Variants in TSPAN5 observed in about 807,000 individuals in gnomAD.
TSPAN5 encodes the protein tetraspanin-5.
In TSPAN5, 10 loss-of-function variants were observed where a neutral mutation model predicts 37.1. That is an observed-to-expected ratio of 0.27 (90% CI 0.17 to 0.46). TSPAN5 has a LOEUF of 0.46. TSPAN5 is among the 20% of genes least tolerant of loss of function. The pLI is 1.00. For synonymous variants in TSPAN5, 110 were observed against 118.9 expected, an observed-to-expected ratio of 0.93 and a Z score of 0.48; for missense variants, 195 against 326.6, an observed-to-expected ratio of 0.60 and a Z score of 3.11.
rs56113765 is a variant in TSPAN5 at position 98,505,116 on chromosome 4, T to C, written c.132+2562A>G. 5.3e-3 allele frequency among the ~76,000 whole-genome samples: 799 copies of C among 152,142 alleles called. 12 individuals carry two copies. Among genetic ancestry groups the C allele is most frequent in the Non-Finnish European group, 4.1e-3 (278 of 68,002 alleles). On this transcript the variant is annotated intron_variant, in intron 2 of 7. Coordinates refer to ENST00000305798, the MANE Select transcript of TSPAN5 (RefSeq NM_005723.4). The stretch of plus-strand genomic sequence containing the variant: ...AGCTTCACCTCCAAATATCATTACA[T>C]TGGGGATGAGGGCCTCAGCATATGA...
chr4:98,609,207 C>T (rs1421414668), intron 1 of TSPAN5, among the ~76,000 whole-genome samples: 1 of 152,274 alleles, frequency 6.6e-6, no homozygotes, highest in South Asian at 2.1e-4. Flanking sequence ...AACTAAGAAA[C>T]CTTAAAATAT....
intron 1 of TSPAN5, among the ~76,000 whole-genome samples, chr4:98,642,519 T>C (rs557668220): frequency 3.9e-5 from 6 of 152,324 alleles, no homozygotes; most frequent in Non-Finnish European, 8.8e-5. Flanking sequence ...ATTTATAGTA[T>C]ACTACAGTAA....
chr4:98,634,331 T>A (rs1756810306), intron 1 of TSPAN5, among the ~76,000 whole-genome samples: 1 of 152,168 alleles, frequency 6.6e-6, no homozygotes, highest in African/African-American at 2.4e-5. Flanking sequence ...TGCCTTGCCC[T>A]ACCTAAGCCA....
At chr4:98,534,115 C>G (rs911562650) in intron 1 of TSPAN5, among the ~76,000 whole-genome samples, 6 of 151,860 alleles carry the variant, frequency 4.0e-5, no homozygotes, top group African/African-American at 1.5e-4. Flanking sequence ...GTTAGGATGT[C>G]AATTTTAGAT....
chr4:98,542,161 T>C (rs1754373457), intron 1 of TSPAN5, among the ~76,000 whole-genome samples: 1 of 152,090 alleles, frequency 6.6e-6, no homozygotes, highest in Non-Finnish European at 1.5e-5. Context: ...AATGAGTCAA[T>C]GTATACAAAG....
rs1433826385 is a variant in TSPAN5, at chr4:98,482,089, C to T, written c.366G>A (p.Gln122=). ...AFVFKDWIKD[Q]LYFFINNNIR... ...TGTTGTTGTTTATAAAGAAATACAG[C>T]TGGTCTTTGATCCAGTCTTTGAAAA... The change falls in exon 4 of 8, where the codon CAG becomes CAA. Residue 122 remains glutamine, a synonymous_variant. Transcript: ENST00000305798. The T allele has an allele frequency of 1.2e-6, 2 of 1,614,156 alleles. No individual in the cohort carries two copies. The highest frequency in any genetic ancestry group is 4.5e-5 in the East Asian group (2 of 44,878).
intron 2 of TSPAN5, chr4:98,496,801 T>C (rs949394262): frequency 1.3e-5 from 2 of 152,198 alleles, no homozygotes; most frequent in Non-Finnish European, 2.9e-5. Flanking sequence ...TTCATTTACA[T>C]TCAGAAGACG....
At chr4:98,569,819 G>T (rs1224455039) in intron 1 of TSPAN5, among the ~76,000 whole-genome samples, 1 of 152,188 alleles carries the variant, frequency 6.6e-6, no homozygotes, top group East Asian at 1.9e-4. Context: ...TTGGGACCAT[G>T]ATAGGACCAT....
At chr4:98,645,120 C>G (rs1757035150) in intron 1 of TSPAN5, among the ~76,000 whole-genome samples, 1 of 152,134 alleles carries the variant, frequency 6.6e-6, no homozygotes. Context: ...CACTGGTTTT[C>G]AACTATCTTT....
chr4:98,605,286 T>C (rs1251037263), intron 1 of TSPAN5, among the ~76,000 whole-genome samples: 3 of 152,142 alleles, frequency 2.0e-5, no homozygotes, highest in Non-Finnish European at 4.4e-5. Flanking sequence ...TCAGAAAAAA[T>C]GTGCCAATTA....
intron 1 of TSPAN5, among the ~76,000 whole-genome samples, chr4:98,629,457 C>G (rs1756694442): frequency 6.6e-6 from 1 of 152,226 alleles, no homozygotes; most frequent in Non-Finnish European, 1.5e-5. Context: ...AATCGACACA[C>G]TAGCCTAAAA....
At chr4:98,525,807 A>G (rs1408876341) in intron 1 of TSPAN5, among the ~76,000 whole-genome samples, 1 of 152,204 alleles carries the variant, frequency 6.6e-6, no homozygotes, top group African/African-American at 2.4e-5. Context: ...CAAGTAGCCT[A>G]TGGTAAAATT....
intron 1 of TSPAN5, among the ~76,000 whole-genome samples, chr4:98,650,999 T>G (rs1428757477): frequency 6.6e-6 from 1 of 152,172 alleles, no homozygotes; most frequent in Non-Finnish European, 1.5e-5. Context: ...GATTGAAAAT[T>G]TGATGAGGAA....
intron 1 of TSPAN5, among the ~76,000 whole-genome samples, chr4:98,538,702 T>G (rs1754292535): frequency 6.6e-6 from 1 of 152,252 alleles, no homozygotes; most frequent in African/African-American, 2.4e-5. Flanking sequence ...TGCTATACTT[T>G]GTATCAGTTT....
intron 1 of TSPAN5, among the ~76,000 whole-genome samples, chr4:98,634,081 A>C (rs543721267): frequency 1.3e-5 from 2 of 150,496 alleles, no homozygotes; most frequent in East Asian, 4.0e-4. Context: ...CTCTGTCTCA[A>C]AAAAAAAAGG....
chr4:98,513,845 T>C (rs1231242962), intron 1 of TSPAN5, among the ~76,000 whole-genome samples: 1 of 149,354 alleles, frequency 6.7e-6, no homozygotes, highest in Non-Finnish European at 1.5e-5. Flanking sequence ...CCTGCTACTT[T>C]TATTCATAAA....
At chr4:98,639,952 A>G (rs191450120) in intron 1 of TSPAN5, among the ~76,000 whole-genome samples, 22 of 152,322 alleles carry the variant, frequency 1.4e-4, no homozygotes, top group African/African-American at 5.3e-4. Context: ...GATCAGACAG[A>G]ATTCCACTTG....
At chr4:98,534,689 T>G (rs748438921) in intron 1 of TSPAN5, among the ~76,000 whole-genome samples, 2 of 152,236 alleles carry the variant, frequency 1.3e-5, no homozygotes, top group Non-Finnish European at 2.9e-5. Flanking sequence ...GCTTTATGAA[T>G]CTGGGTGCTC....
At chr4:98,547,836 G>C (rs911813484) in intron 1 of TSPAN5, among the ~76,000 whole-genome samples, 1 of 151,618 alleles carries the variant, frequency 6.6e-6, no homozygotes, top group Admixed American at 6.6e-5. Flanking sequence ...GTGAAACCCC[G>C]TCTCTACTAA....
Sources: allele counts gnomAD v4.1 joint callset (sites outside exome capture counted in the v4.1 genomes callset), GRCh38; gene constraint gnomAD v4.1.1; transcripts MANE v1.5; gene names NCBI Gene and HGNC (gene_info 2026-07-23, HGNC 2026-07-21).